FHOD3: variants seen among roughly 807,000 people sequenced by gnomAD.
FHOD3 encodes the protein FH1/FH2 domain-containing protein 3.
In FHOD3, 90 loss-of-function variants were observed where a neutral mutation model predicts 173.0. The ratio of observed to expected loss-of-function variants is 0.52; its 90% CI spans 0.44 to 0.62. The LOEUF (loss-of-function observed/expected upper bound fraction) is 0.62, where lower values mean the gene tolerates loss of function less well. FHOD3 is among the 20% of genes least tolerant of loss of function. FHOD3 has a pLI of 0.00. For missense variants in FHOD3, 1,945 were observed against 2,034.7 expected, an observed-to-expected ratio of 0.96 and a Z score of 0.85; for synonymous variants, 828 against 823.0, an observed-to-expected ratio of 1.01 and a Z score of -0.10.
At chr18:36,373,948 A>T (rs2047314433) in intron 3 of FHOD3, among the ~76,000 whole-genome samples, 1 of 152,210 alleles carries the variant, frequency 6.6e-6, no homozygotes, top group Non-Finnish European at 1.5e-5. Context: ...CTCATCCCAG[A>T]TCTAGAACAA....
chr18:36,625,454 A>G (rs1000142792), intron 9 of FHOD3, 57 bp from the exon 10 acceptor site: 46 of 1,327,414 alleles, frequency 3.5e-5, no homozygotes, highest in Non-Finnish European at 4.0e-5. Context: ...GTCACACCTG[A>G]GGTCTGTGAA....
At chr18:36,508,331 C>T (rs568668774) in intron 4 of FHOD3, among the ~76,000 whole-genome samples, 1 of 151,638 alleles carries the variant, frequency 6.6e-6, no homozygotes. Context: ...GCACCACTAG[C>T]AACGAGATTG....
At chr18:36,628,706 A>G (rs567618429) in intron 10 of FHOD3, among the ~76,000 whole-genome samples, 23 of 152,278 alleles carry the variant, frequency 1.5e-4, no homozygotes, top group Admixed American at 2.6e-4. Flanking sequence ...ATTTCATTGG[A>G]AGGGGAAAAA....
chr18:36,748,238 C>G (rs2042236483), intron 24 of FHOD3, among the ~76,000 whole-genome samples: 1 of 152,170 alleles, frequency 6.6e-6, no homozygotes. Flanking sequence ...CTTCCTTCCT[C>G]AAGGGAACTT....
intron 3 of FHOD3, among the ~76,000 whole-genome samples, chr18:36,436,397 A>G (rs964012316): frequency 2.0e-5 from 3 of 152,160 alleles, no homozygotes; most frequent in African/African-American, 7.2e-5. Context: ...GAATTAGACA[A>G]CCAGATTTGC....
At chr18:36,476,231 C>T (rs2053567702) in intron 3 of FHOD3, among the ~76,000 whole-genome samples, 1 of 152,154 alleles carries the variant, frequency 6.6e-6, no homozygotes. Context: ...TGCGACAGCT[C>T]CTGTTCCGCT....
chr18:36,524,961 A>G (rs568438323), intron 5 of FHOD3, among the ~76,000 whole-genome samples: 11 of 152,190 alleles, frequency 7.2e-5, no homozygotes, highest in Non-Finnish European at 1.5e-4. Context: ...CAAGCCAAGA[A>G]TAAAGTGCTA....
chr18:36,538,597 C>A (rs1488268976), intron 5 of FHOD3, among the ~76,000 whole-genome samples: 1 of 152,124 alleles, frequency 6.6e-6, no homozygotes, highest in Non-Finnish European at 1.5e-5. Flanking sequence ...AATGGTTAGA[C>A]TGCAGTACAT....
intron 9 of FHOD3, among the ~76,000 whole-genome samples, chr18:36,616,726 C>T (rs1254694525): frequency 6.6e-6 from 1 of 152,238 alleles, no homozygotes; most frequent in Non-Finnish European, 1.5e-5. Context: ...CCAGTATTCT[C>T]TTGCTTTCTT....
chr18:36,526,608 G>A (rs1003218695), intron 5 of FHOD3, among the ~76,000 whole-genome samples: 19 of 152,004 alleles, frequency 1.2e-4, no homozygotes, highest in Non-Finnish European at 7.4e-5. Context: ...TCACCATGTT[G>A]GCCAGGCTGG....
chr18:36,380,829 G>A (rs2047743471), intron 3 of FHOD3, among the ~76,000 whole-genome samples: 1 of 151,978 alleles, frequency 6.6e-6, no homozygotes, highest in South Asian at 2.1e-4. Context: ...AGTCACATGA[G>A]CCCCATTCAC....
chr18:36,693,799 G>C (rs2149504500), intron 17 of FHOD3, among the ~76,000 whole-genome samples: 1 of 152,310 alleles, frequency 6.6e-6, no homozygotes, highest in African/African-American at 2.4e-5. Context: ...CCGAGGAACT[G>C]TTAGTCTGGT....
chr18:36,731,209 G>A lies in FHOD3; in HGVS notation c.3576+405G>A, dbSNP rs558730855. The stretch of plus-strand genomic sequence containing the variant: ...AGAACTTTCTCTCTTGGCATTTGTT[G>A]GGGTACAGAGAGACATATTTCATTT... On this transcript the variant is annotated intron_variant, in intron 20 of 28. Coordinates refer to ENST00000590592, the MANE Select transcript of FHOD3 (RefSeq NM_001281740.3). Among the ~76,000 whole-genome samples the A allele has an allele frequency of 1.5e-4, 23 of 152,294 alleles. No individual in the cohort carries two copies. In the East Asian group the frequency reaches 4.2e-3, roughly 28 times the overall value.
intron 5 of FHOD3, among the ~76,000 whole-genome samples, chr18:36,550,711 C>T (rs1457835847): frequency 2.0e-5 from 3 of 151,666 alleles, no homozygotes; most frequent in Non-Finnish European, 4.4e-5. Flanking sequence ...TTTAAAATTC[C>T]AATTTCAAAT....
chr18:36,420,006 C>T (rs1214722194), intron 3 of FHOD3, among the ~76,000 whole-genome samples: 1 of 152,212 alleles, frequency 6.6e-6, no homozygotes, highest in East Asian at 1.9e-4. Context: ...TCTGATGCCT[C>T]CCAACCGGCT....
At chr18:36,506,629 T>A (rs559708826) in intron 4 of FHOD3, among the ~76,000 whole-genome samples, 2 of 152,322 alleles carry the variant, frequency 1.3e-5, no homozygotes, top group South Asian at 4.1e-4. Flanking sequence ...AATGGCAAAT[T>A]GAAATAGCTA....
At chr18:36,474,657 GA>G (rs1029505364) in intron 3 of FHOD3, among the ~76,000 whole-genome samples, 6 of 152,130 alleles carry the variant, frequency 3.9e-5, no homozygotes, top group African/African-American at 1.4e-4. Context: ...GCAAGCCTTG[GA>G]AACCCCACGG....
At chr18:36,369,841 C>A (rs974768307) in intron 2 of FHOD3, among the ~76,000 whole-genome samples, 1 of 152,078 alleles carries the variant, frequency 6.6e-6, no homozygotes, top group Non-Finnish European at 1.5e-5. Flanking sequence ...CCTTTGTAAG[C>A]CCTAGAGGTG....
At chr18:36,516,777 A>T (rs1677315113) in intron 5 of FHOD3, among the ~76,000 whole-genome samples, 1 of 152,240 alleles carries the variant, frequency 6.6e-6, no homozygotes, top group Non-Finnish European at 1.5e-5. Flanking sequence ...ATTTTAAAAA[A>T]TGATATTGCA....
Sources: gnomAD v4.1 joint callset for allele counts (sites outside exome capture counted in the v4.1 genomes callset) on GRCh38, gnomAD v4.1.1 for gene constraint, MANE v1.5 for transcripts, NCBI Gene and HGNC (gene_info 2026-07-23, HGNC 2026-07-21) for gene names.